RARB: variants seen among roughly 807,000 people sequenced by gnomAD.
The protein encoded by RARB is retinoic acid receptor beta.
In RARB, 17 loss-of-function variants were observed where a neutral mutation model predicts 51.9. The ratio of observed to expected loss-of-function variants is 0.33; its 90% CI spans 0.22 to 0.49. RARB has a LOEUF of 0.49. Among genes scored for constraint, RARB ranks in the 20% least tolerant of loss-of-function variants. The pLI, the probability that RARB is intolerant of heterozygous loss-of-function variation, is 0.99. For missense variants in RARB, 369 were observed against 550.8 expected (o/e 0.67, Z 3.30); for synonymous variants, 215 against 195.4 (o/e 1.10, Z -0.84).
upstream of RARB, among the ~76,000 whole-genome samples, chr3:25,425,343 AC>A (rs1168748260): frequency 6.6e-6 from 1 of 152,170 alleles, no homozygotes; most frequent in African/African-American, 2.4e-5. Context: ...GAATTTGGAG[AC>A]AGAATCAAGT....
intron 5 of RARB, among the ~76,000 whole-genome samples, chr3:25,346,173 T>G (rs1466071286): frequency 4.6e-5 from 7 of 152,224 alleles, no homozygotes; most frequent in African/African-American, 1.4e-4. Flanking sequence ...CTTTTCCGTT[T>G]ATTTTTAATC....
At chr3:25,361,975 A>G (rs1358199643) in intron 5 of RARB, among the ~76,000 whole-genome samples, 1 of 152,154 alleles carries the variant, frequency 6.6e-6, no homozygotes, top group African/African-American at 2.4e-5. Context: ...CCCACTGAGG[A>G]GGCAGTCTGT....
intron 3 of RARB, among the ~76,000 whole-genome samples, chr3:25,537,225 A>G (rs1699177239): frequency 6.6e-6 from 1 of 152,208 alleles, no homozygotes; most frequent in African/African-American, 2.4e-5. Flanking sequence ...TGCTGACAGG[A>G]AAGCGGCTGA....
At chr3:25,254,324 C>A (rs181102983) in intron 5 of RARB, among the ~76,000 whole-genome samples, 3 of 152,276 alleles carry the variant, frequency 2.0e-5, no homozygotes, top group Non-Finnish European at 4.4e-5. Context: ...AAAAGATTTA[C>A]TTCTCTACAT....
chr3:24,951,837 T>C (rs1049000655), intron 2 of RARB, among the ~76,000 whole-genome samples: 4 of 152,236 alleles, frequency 2.6e-5, no homozygotes, highest in Non-Finnish European at 5.9e-5. Flanking sequence ...TGATTAACCT[T>C]ACAGGTAACA....
rs186095416 is a variant in RARB at position 25,022,559 on chromosome 3, A to G, written c.-379-37566A>G. 6.6e-5 allele frequency among the ~76,000 whole-genome samples: 10 copies of G among 152,342 alleles called. No individual in the cohort carries two copies. In the East Asian group the frequency reaches 1.9e-3, roughly 29 times the overall value. Reference sequence around the variant, plus strand: ...GTATCATTTTGCATTTTTACTGGCAATGCAAGAGCATTCCAGTTCCTCTAC... The same window carrying G: ...GTATCATTTTGCATTTTTACTGGCAGTGCAAGAGCATTCCAGTTCCTCTAC... On this transcript the variant is annotated intron_variant, in intron 2 of 11. Transcript: ENST00000383772.
chr3:25,313,791 C>T (rs186482103), intron 5 of RARB, among the ~76,000 whole-genome samples: 43 of 152,156 alleles, frequency 2.8e-4, no homozygotes, highest in Non-Finnish European at 5.6e-4. Flanking sequence ...AATAACAGTC[C>T]AGGCGTGGTG....
intron 2 of RARB, among the ~76,000 whole-genome samples, chr3:25,022,254 C>T (rs1352089500): frequency 1.3e-5 from 2 of 152,208 alleles, no homozygotes; most frequent in Non-Finnish European, 2.9e-5. Context: ...TGTCATTACT[C>T]ACCCTAAGGG....
intron 5 of RARB, among the ~76,000 whole-genome samples, chr3:25,363,456 A>G (rs993534070): frequency 1.7e-4 from 26 of 152,140 alleles, no homozygotes; most frequent in African/African-American, 6.3e-4. Context: ...AACTTTCGCC[A>G]TCTGGGTTGA....
chr3:24,908,662 T>G lies in RARB; in HGVS notation c.-380+49910T>G, dbSNP rs570276132. Reference sequence around the variant, plus strand: ...TTGTAATTCTTGAGGTAACCACAACTGTTTTTTTTTTTTTTTTTTTTTTTT... The same window carrying G: ...TTGTAATTCTTGAGGTAACCACAACGGTTTTTTTTTTTTTTTTTTTTTTTT... On this transcript the variant is annotated intron_variant, in intron 2 of 11. Transcript: ENST00000383772. Among the ~76,000 whole-genome samples the G allele has an allele frequency of 2.9e-4, 25 of 86,502 alleles. No individual in the cohort carries two copies. The East Asian group carries it at 0.01, about 35-fold the overall frequency. 56.7% of individuals were successfully genotyped at this position (86,502 alleles called of 152,430 possible). A position where few individuals can be genotyped will look rare whatever the true frequency, so the allele number is the denominator to read the frequency against.
chr3:25,540,699 G>A (rs926741645), intron 3 of RARB, among the ~76,000 whole-genome samples: 1 of 152,238 alleles, frequency 6.6e-6, no homozygotes, highest in Non-Finnish European at 1.5e-5. Flanking sequence ...TATATGGGTT[G>A]CCCCAGGGTG....
chr3:24,993,985 T>C (rs1696969812), intron 2 of RARB, among the ~76,000 whole-genome samples: 1 of 152,180 alleles, frequency 6.6e-6, no homozygotes, highest in African/African-American at 2.4e-5. Flanking sequence ...GATGTGTCTT[T>C]GAAACAATGA....
At chr3:24,899,409 C>T (rs1194012442) in intron 2 of RARB, among the ~76,000 whole-genome samples, 2 of 152,192 alleles carry the variant, frequency 1.3e-5, no homozygotes, top group East Asian at 3.9e-4. Context: ...CCAGCTCCTT[C>T]AGAAATGTAC....
At chr3:25,396,838 AC>A (rs1707128030) in intron 5 of RARB, among the ~76,000 whole-genome samples, 2 of 151,948 alleles carry the variant, frequency 1.3e-5, no homozygotes, top group African/African-American at 4.8e-5. Flanking sequence ...GACTGGCCTT[AC>A]CCAGTTCCCA....
At chr3:25,266,470 A>G (rs1473480920) in intron 5 of RARB, among the ~76,000 whole-genome samples, 1 of 152,112 alleles carries the variant, frequency 6.6e-6, no homozygotes, top group Non-Finnish European at 1.5e-5. Flanking sequence ...TGTATGTTGC[A>G]AATATTTTTT....
At chr3:24,866,671 A>C (rs565222368) in intron 2 of RARB, among the ~76,000 whole-genome samples, 1 of 152,220 alleles carries the variant, frequency 6.6e-6, no homozygotes, top group South Asian at 2.1e-4. Context: ...TTTTCTTCCA[A>C]ATGCAAGTAT....
At chr3:24,912,972 ATTCTTTTTTT>A (rs1319193546) in intron 2 of RARB, among the ~76,000 whole-genome samples, 2 of 57,636 alleles carry the variant, frequency 3.5e-5, no homozygotes, top group Non-Finnish European at 7.3e-5. Context: ...CAAGGTACTG[ATTCTTTTTTT>A]TTTTTTTTTT....
intron 2 of RARB, among the ~76,000 whole-genome samples, chr3:25,011,056 C>A (rs1042955190): frequency 3.3e-5 from 5 of 152,042 alleles, no homozygotes; most frequent in African/African-American, 1.2e-4. Flanking sequence ...TATATCTGTT[C>A]GATTGTTATT....
chr3:25,207,527 G>A (rs1226974219), intron 5 of RARB, among the ~76,000 whole-genome samples: 2 of 152,140 alleles, frequency 1.3e-5, no homozygotes, highest in Non-Finnish European at 2.9e-5. Flanking sequence ...GACAAGGGAT[G>A]ATAACTAGTA....
Sources: allele counts gnomAD v4.1 joint callset (sites outside exome capture counted in the v4.1 genomes callset), GRCh38; gene constraint gnomAD v4.1.1; transcripts MANE v1.5; gene names NCBI Gene and HGNC (gene_info 2026-07-23, HGNC 2026-07-21).